The following SDC2 variants were observed in gnomAD, a reference collection of about 807,000 sequenced individuals.
SDC2 encodes the protein syndecan-2.
Under a neutral mutation model 22.2 loss-of-function variants are expected in SDC2, and 13 were observed. The observed-to-expected ratio is 0.59, with a 90% CI of 0.38 to 0.93. SDC2 has a LOEUF of 0.93. SDC2 is among the 40% of genes least tolerant of loss of function. SDC2 has a pLI of 0.00. For synonymous variants in SDC2, 94 were observed against 92.8 expected (o/e 1.01, Z -0.07); for missense variants, 235 against 246.8 (o/e 0.95, Z 0.32).
At chr8:96,580,437 C>A (rs924295886) in intron 1 of SDC2, 1 of 985,286 alleles carries the variant, frequency 1.0e-6, no homozygotes, top group Non-Finnish European at 1.2e-6. Context: ...ATATCCTCAG[C>A]TGTTGCTTGT....
At chr8:96,530,512 T>C (rs767055282) in intron 1 of SDC2, among the ~76,000 whole-genome samples, 5 of 152,128 alleles carry the variant, frequency 3.3e-5, no homozygotes, top group Non-Finnish European at 7.3e-5. Flanking sequence ...CGGGTGCCTG[T>C]AATCCCAGCT....
At chr8:96,519,262 T>A (rs551441937) in intron 1 of SDC2, among the ~76,000 whole-genome samples, 3 of 152,160 alleles carry the variant, frequency 2.0e-5, no homozygotes, top group African/African-American at 7.2e-5. Context: ...TAAAGCTGAT[T>A]TACAGTTATT....
chr8:96,546,514 C>T (rs932200042), intron 1 of SDC2, among the ~76,000 whole-genome samples: 1 of 151,964 alleles, frequency 6.6e-6, no homozygotes, highest in African/African-American at 2.4e-5. Context: ...ATAGAAGAGC[C>T]CTAGATTTTC....
At chr8:96,518,876 C>G (rs540005838) in intron 1 of SDC2, among the ~76,000 whole-genome samples, 1 of 152,292 alleles carries the variant, frequency 6.6e-6, no homozygotes, top group African/African-American at 2.4e-5. Flanking sequence ...CTGGCACAGT[C>G]TTCAAGTGAG....
intron 1 of SDC2, among the ~76,000 whole-genome samples, chr8:96,554,076 C>G (rs1262216039): frequency 1.3e-5 from 2 of 152,156 alleles, no homozygotes; most frequent in Non-Finnish European, 2.9e-5. Flanking sequence ...CAGGTGTGAG[C>G]TACTGTACCC....
intron 1 of SDC2, among the ~76,000 whole-genome samples, chr8:96,528,699 A>G (rs1291215395): frequency 6.6e-6 from 1 of 152,196 alleles, no homozygotes; most frequent in African/African-American, 2.4e-5. Flanking sequence ...GGGCTGTCCA[A>G]AATTATAAAT....
intron 1 of SDC2, among the ~76,000 whole-genome samples, chr8:96,573,846 T>G (rs1391229175): frequency 6.6e-6 from 1 of 152,000 alleles, no homozygotes; most frequent in Non-Finnish European, 1.5e-5. Flanking sequence ...AATCTCCTAG[T>G]TTTTCACCAA....
At chr8:96,536,539 C>G (rs557054526) in intron 1 of SDC2, among the ~76,000 whole-genome samples, 9 of 113,762 alleles carry the variant, frequency 7.9e-5, no homozygotes, top group African/African-American at 2.1e-4. Flanking sequence ...CTAGGCCAAT[C>G]TCCAACTCCT....
intron 4 of SDC2, 49 bp from the exon 5 acceptor site, chr8:96,609,336 T>C: frequency 1.3e-6 from 2 of 1,491,524 alleles, no homozygotes; most frequent in Non-Finnish European, 1.8e-6. Flanking sequence ...AGCTAATGTC[T>C]GCAACCCTTG....
At chr8:96,593,933 G>A (rs149448156) in intron 2 of SDC2, among the ~76,000 whole-genome samples, 156 of 152,270 alleles carry the variant, frequency 1.0e-3, no homozygotes, top group East Asian at 7.1e-3. Context: ...GCTTTTAATC[G>A]TATTAAGACT....
intron 1 of SDC2, among the ~76,000 whole-genome samples, chr8:96,561,268 A>G (rs967852607): frequency 1.3e-4 from 20 of 152,216 alleles, no homozygotes; most frequent in Non-Finnish European, 2.6e-4. Context: ...ATATAAAAGT[A>G]TACTCAGTAT....
intron 1 of SDC2, among the ~76,000 whole-genome samples, chr8:96,561,848 C>T (rs1307270050): frequency 6.6e-6 from 1 of 152,182 alleles, no homozygotes; most frequent in Non-Finnish European, 1.5e-5. Flanking sequence ...GAGGGCAGAC[C>T]ACTTGCCACA....
At chr8:96,503,488 A>G (rs771918753) in intron 1 of SDC2, among the ~76,000 whole-genome samples, 14 of 152,220 alleles carry the variant, frequency 9.2e-5, no homozygotes, top group Non-Finnish European at 8.8e-5. Context: ...AAGATAATGT[A>G]TATATACAAA....
At chr8:96,530,442 T>G (rs1813642629) in intron 1 of SDC2, among the ~76,000 whole-genome samples, 2 of 152,218 alleles carry the variant, frequency 1.3e-5, no homozygotes, top group African/African-American at 2.4e-5. Flanking sequence ...GAGATCAGCC[T>G]GGCCAACATG....
chr8:96,570,541 G>A (rs1814376279), intron 1 of SDC2, among the ~76,000 whole-genome samples: 1 of 152,108 alleles, frequency 6.6e-6, no homozygotes. Context: ...AATAATTTCG[G>A]CTGAGAAAGG....
At chr8:96,605,390 C>G (rs939707094) in intron 3 of SDC2, among the ~76,000 whole-genome samples, 1 of 152,138 alleles carries the variant, frequency 6.6e-6, no homozygotes, top group Non-Finnish European at 1.5e-5. Flanking sequence ...AGACTAGAAC[C>G]CAGATAATCC....
chr8:96,540,422 A>T (rs1199792649), intron 1 of SDC2, among the ~76,000 whole-genome samples: 1 of 148,954 alleles, frequency 6.7e-6, no homozygotes, highest in African/African-American at 2.5e-5. Context: ...AGATGGGAGG[A>T]TCGCTTGAGC....
intron 1 of SDC2, among the ~76,000 whole-genome samples, chr8:96,500,991 G>A (rs909142572): frequency 6.6e-6 from 1 of 152,260 alleles, no homozygotes. Flanking sequence ...TGGCGTGATA[G>A]CCAATGCATA....
chr8:96,529,700 A>G (rs1365506519), intron 1 of SDC2, among the ~76,000 whole-genome samples: 1 of 152,038 alleles, frequency 6.6e-6, no homozygotes, highest in Non-Finnish European at 1.5e-5. Flanking sequence ...GGGGCAGCTG[A>G]CCCCAAAGGT....
Sources: allele counts gnomAD v4.1 joint callset (sites outside exome capture counted in the v4.1 genomes callset), GRCh38; gene constraint gnomAD v4.1.1; transcripts MANE v1.5; gene names NCBI Gene and HGNC (gene_info 2026-07-23, HGNC 2026-07-21).